Variants in RIC3 observed in about 807,000 individuals in gnomAD.
RIC3 encodes protein RIC-3.
RIC3 carries 28 observed loss-of-function variants against 27.3 expected under a neutral mutation model. That is an observed-to-expected ratio of 1.02 (90% CI 0.76 to 1.41). RIC3 has a LOEUF of 1.41. Among genes scored for constraint, RIC3 ranks in the 40% most tolerant of loss-of-function variants. The probability of loss-of-function intolerance (pLI) is 0.00; values close to 1 mark genes in which losing one functional copy is unlikely to be tolerated. For synonymous variants in RIC3, 184 were observed against 160.4 expected, an observed-to-expected ratio of 1.15 and a Z score of -1.11; for missense variants, 501 against 444.7, an observed-to-expected ratio of 1.13 and a Z score of -1.14.
chr11:8,137,490 T>C lies in RIC3; in HGVS notation c.428-19A>G. The C allele has an allele frequency of 6.2e-7, 1 of 1,605,756 alleles. No individual in the cohort carries two copies. The highest frequency in any genetic ancestry group is 8.5e-7 in the Non-Finnish European group (1 of 1,173,288). ...AAACTGGCTAAAAAATAAGCAACAA[T>C]CTAAGAACCATCAGAGACAACTCCC... On this transcript the variant is annotated intron_variant, in intron 3 of 5. Coordinates refer to ENST00000309737, the MANE Select transcript of RIC3 (RefSeq NM_001206671.4).
chr11:8,107,253 G>T lies in RIC3; in HGVS notation c.*3445C>A, dbSNP rs1021621575. 2 of 152,232 alleles carry T rather than the reference G, an allele frequency of 1.3e-5. No homozygotes were observed. Among genetic ancestry groups the T allele is most frequent in the African/African-American group, 4.8e-5 (2 of 41,458 alleles). The allele number at this position is 152,232 out of a possible 1,614,324, so 9.4% of individuals were successfully genotyped here. ...GAATACAAATAGTCCAGATTGAAGA[G>T]AACTTTGAGAGTGTGGTAATAATTC... is the stretch of plus-strand genomic sequence containing the variant. On this transcript the variant is annotated 3_prime_UTR_variant, in exon 6 of 6. Coordinates refer to ENST00000309737, the MANE Select transcript of RIC3 (RefSeq NM_001206671.4).
At chr11:8,132,339 T>C (rs1420786222) in intron 4 of RIC3, among the ~76,000 whole-genome samples, 2 of 152,220 alleles carry the variant, frequency 1.3e-5, no homozygotes, top group African/African-American at 4.8e-5. Context: ...ATAAGAGTTA[T>C]TTTTCTAAAG....
the RIC3 span, among the ~76,000 whole-genome samples, chr11:8,098,335 G>A: frequency 2.0e-5 from 3 of 152,280 alleles, no homozygotes; most frequent in East Asian, 5.8e-4. Flanking sequence ...GAGAGGTCAG[G>A]AGCTAAAGCT....
chr11:8,122,987 T>C (rs1020583172), intron 5 of RIC3, among the ~76,000 whole-genome samples: 1 of 151,490 alleles, frequency 6.6e-6, no homozygotes, highest in South Asian at 2.1e-4. Context: ...TCAAGAAAGC[T>C]ATTACAGATA....
intron 5 of RIC3, 126 bp downstream of exon 5, chr11:8,126,533 C>T (rs1040894041): frequency 2.8e-6 from 3 of 1,087,298 alleles, no homozygotes; most frequent in Non-Finnish European, 3.9e-6. Context: ...TCCAACCGTA[C>T]ATTTAAAACT....
At chr11:8,146,965 T>A (rs1460426909) in intron 1 of RIC3, among the ~76,000 whole-genome samples, 1 of 152,196 alleles carries the variant, frequency 6.6e-6, no homozygotes, top group Non-Finnish European at 1.5e-5. Context: ...GAAAATATCA[T>A]GGGCCCCTTC....
rs1332582557 is a variant in RIC3 at position 8,139,989 on chromosome 11, T to C, written c.329A>G (p.Tyr110Cys). Residue 110 changes from tyrosine (Y) to cysteine (C), a missense_variant, in exon 2 of 6, where the codon TAT (tyrosine) becomes TGT (cysteine). Transcript: ENST00000309737. ...IPIYGFGIFL[Y>C]ILYILFKLSK... is the part of the protein sequence containing the mutation. The stretch of plus-strand genomic sequence containing the variant: ...TACCTTAAATAGAATGTACAGTATA[T>C]ATAAAAAAATCCCAAAACCGTAGAT... 3 of 1,613,840 alleles carry C rather than the reference T, an allele frequency of 1.9e-6. No homozygotes were observed. Among genetic ancestry groups the C allele is most frequent in the African/African-American group, 2.7e-5 (2 of 74,896 alleles).
chr11:8,160,893 A>T (rs1951103019), intron 1 of RIC3, among the ~76,000 whole-genome samples: 1 of 152,248 alleles, frequency 6.6e-6, no homozygotes, highest in South Asian at 2.1e-4. Flanking sequence ...TACTTTTCCA[A>T]TTCCTGGATT....
intron 1 of RIC3, among the ~76,000 whole-genome samples, chr11:8,149,209 AATAAT>A (rs1331544127): frequency 1.3e-5 from 2 of 150,590 alleles, no homozygotes; most frequent in African/African-American, 4.9e-5. Context: ...TAAATAAATA[AATAAT>A]ATAATAAAAA....
the RIC3 span, among the ~76,000 whole-genome samples, chr11:8,094,769 C>T: frequency 6.6e-6 from 1 of 152,230 alleles, no homozygotes; most frequent in East Asian, 1.9e-4. Context: ...GGCTACACAC[C>T]CCGTTTCCTC....
intron 1 of RIC3, among the ~76,000 whole-genome samples, chr11:8,153,049 T>C (rs1471041139): frequency 1.3e-5 from 2 of 152,146 alleles, no homozygotes; most frequent in African/African-American, 4.8e-5. Flanking sequence ...AGTTAATTGA[T>C]AAGGAAACCT....
At chr11:8,158,979 C>T (rs1031121425) in intron 1 of RIC3, among the ~76,000 whole-genome samples, 3 of 151,328 alleles carry the variant, frequency 2.0e-5, no homozygotes, top group Non-Finnish European at 4.4e-5. Flanking sequence ...GATCCACCCG[C>T]CTTGGCCTCC....
chr11:8,129,744 G>A (rs184971358), intron 4 of RIC3, among the ~76,000 whole-genome samples: 2 of 152,318 alleles, frequency 1.3e-5, no homozygotes, highest in East Asian at 3.9e-4. Context: ...ACTCAGACCA[G>A]TAAAAGATTT....
chr11:8,168,411 A>G (rs1951929920), intron 1 of RIC3, among the ~76,000 whole-genome samples: 1 of 152,244 alleles, frequency 6.6e-6, no homozygotes, highest in Non-Finnish European at 1.5e-5. Context: ...TTGAAAAAAC[A>G]TAACGACTTA....
chr11:8,124,598 A>G (rs748221724), intron 5 of RIC3, among the ~76,000 whole-genome samples: 21 of 152,170 alleles, frequency 1.4e-4, no homozygotes, highest in Admixed American at 2.0e-4. Context: ...AAAAAATCTG[A>G]ACAACTTGAA....
At chr11:8,101,898 T>C, downstream of RIC3, 1 of 442,738 alleles carries the variant, frequency 2.3e-6, no homozygotes, top group Non-Finnish European at 4.0e-6. Flanking sequence ...GGTAGTAGTG[T>C]GTTGTAGTCG....
In RIC3 at chr11:8,140,076, C is replaced by G. The variant is rs371856546; in HGVS notation, c.242G>C (p.Gly81Ala). Residue 81 changes from glycine to alanine, a missense_variant, in exon 2 of 6, where the codon GGA becomes GCA. By Grantham distance (60) the Gly-to-Ala change is moderately conservative. Coordinates refer to ENST00000309737, the MANE Select transcript of RIC3 (RefSeq NM_001206671.4). Reference sequence around the variant, plus strand: ...TCCTCCTCCAGCACCTCCACCTGATCCTTTGGCCTTTGCAAATGCCTCGGC... The same window carrying G: ...TCCTCCTCCAGCACCTCCACCTGATGCTTTGGCCTTTGCAAATGCCTCGGC... ...HLAEAFAKAK[G>A]SGGGAGGGGS... The G allele has an allele frequency of 1.2e-6, 2 of 1,614,122 alleles. No individual in the cohort carries two copies. Among genetic ancestry groups the G allele is most frequent in the Non-Finnish European group, 8.5e-7 (1 of 1,180,034 alleles).
At chr11:8,132,424 C>T (rs1947853245) in intron 4 of RIC3, among the ~76,000 whole-genome samples, 1 of 152,200 alleles carries the variant, frequency 6.6e-6, no homozygotes, top group East Asian at 1.9e-4. Context: ...GAAGAGAGGA[C>T]CAAAATCGTA....
the RIC3 span, chr11:8,101,040 CAA>C: frequency 1.1e-5 from 18 of 1,610,048 alleles, no homozygotes; most frequent in Non-Finnish European, 1.5e-5. Context: ...GTAGGATACC[CAA>C]GGCCCTTAGC....
Sources: gnomAD v4.1 joint callset for allele counts (sites outside exome capture counted in the v4.1 genomes callset) on GRCh38, gnomAD v4.1.1 for gene constraint, MANE v1.5 for transcripts, NCBI Gene and HGNC (gene_info 2026-07-23, HGNC 2026-07-21) for gene names.